The following TMEM120B variants were observed in gnomAD, a reference collection of about 807,000 sequenced individuals.
The protein encoded by TMEM120B is transmembrane protein 120B.
In TMEM120B, 31 loss-of-function variants were observed where a neutral mutation model predicts 55.5. That is an observed-to-expected ratio of 0.56 (90% CI 0.42 to 0.75). The LOEUF is 0.75. TMEM120B is among the 30% of genes least tolerant of loss of function. The pLI is 0.00. For synonymous variants in TMEM120B, 203 were observed against 176.3 expected (o/e 1.15, Z -1.20); for missense variants, 399 against 425.5 (o/e 0.94, Z 0.55).
intron 1 of TMEM120B, among the ~76,000 whole-genome samples, chr12:121,724,709 C>G (rs1307130941): frequency 6.6e-6 from 1 of 151,408 alleles, no homozygotes; most frequent in Non-Finnish European, 1.5e-5. Flanking sequence ...CTCCCAGGTT[C>G]ACGCCATTCT....
At position 121,775,561 on chromosome 12, in the gene TMEM120B, C is replaced by T. The variant is rs990348939; in HGVS notation, c.907-48C>T. On this transcript the variant is annotated intron_variant, in intron 11 of 11. Coordinates refer to ENST00000449592, the MANE Select transcript of TMEM120B (RefSeq NM_001080825.2). The surrounding 1 kb of genome is among the most constrained non-coding windows in gnomAD (Gnocchi z 4.3). Reference sequence around the variant, plus strand: ...TTCTGGGGTGCTGGGGGCAGGGGTTCAGCAGGGCAGATGCCCCAGCCTCGC... The same window carrying T: ...TTCTGGGGTGCTGGGGGCAGGGGTTTAGCAGGGCAGATGCCCCAGCCTCGC... 7 of 1,581,850 alleles carry T rather than the reference C, an allele frequency of 4.4e-6. No individual in the cohort carries two copies. Among genetic ancestry groups the T allele is most frequent in the Middle Eastern group, 1.7e-4 (1 of 5,906 alleles).
intron 1 of TMEM120B, among the ~76,000 whole-genome samples, chr12:121,728,562 C>T (rs1285634277): frequency 5.3e-5 from 8 of 151,962 alleles, no homozygotes; most frequent in African/African-American, 7.2e-5. Context: ...TCAGATGATC[C>T]GCCCACCTCG....
chr12:121,742,090 A>G (rs1872949919), intron 1 of TMEM120B, among the ~76,000 whole-genome samples: 1 of 143,670 alleles, frequency 7.0e-6, no homozygotes, highest in South Asian at 2.2e-4. Context: ...GCAACCTCCG[A>G]CTCCCAGATT....
intron 7 of TMEM120B, among the ~76,000 whole-genome samples, 177 bp from the exon 8 acceptor site, chr12:121,771,311 C>G (rs1266988506): frequency 6.6e-6 from 1 of 152,054 alleles, no homozygotes; most frequent in East Asian, 1.9e-4. Context: ...CCCTGTGCTT[C>G]TAGAAAGGAA....
chr12:121,773,806 A>G (rs1874144016), intron 9 of TMEM120B, among the ~76,000 whole-genome samples: 1 of 144,148 alleles, frequency 6.9e-6, no homozygotes, highest in Non-Finnish European at 1.5e-5. Flanking sequence ...TAACATGTCT[A>G]CATACCAACA....
At chr12:121,721,777 CT>C (rs369407488) in intron 1 of TMEM120B, among the ~76,000 whole-genome samples, 36 of 132,644 alleles carry the variant, frequency 2.7e-4, no homozygotes, top group African/African-American at 8.3e-4. Context: ...CCTGGCCCTC[CT>C]TTTTTTTTGA....
At chr12:121,724,185 C>T (rs1293136933) in intron 1 of TMEM120B, among the ~76,000 whole-genome samples, 29 of 151,674 alleles carry the variant, frequency 1.9e-4, no homozygotes, top group Admixed American at 1.1e-3. Context: ...TTACAGGCAC[C>T]GGCCACCACA....
intron 1 of TMEM120B, among the ~76,000 whole-genome samples, chr12:121,739,756 A>G (rs190892592): frequency 6.7e-6 from 1 of 150,118 alleles, no homozygotes; most frequent in African/African-American, 2.5e-5. Flanking sequence ...ACAAGTGTGA[A>G]CCACCCAGCC....
In TMEM120B at chr12:121,744,085, C is replaced by A. The variant is rs115636973; in HGVS notation, c.188+338C>A. On this transcript the variant is annotated intron_variant, in intron 2 of 11. Coordinates refer to ENST00000449592, the MANE Select transcript of TMEM120B (RefSeq NM_001080825.2). ...TTTTTTTTTTTTCTTGAAATGGAGT[C>A]TTTCACTCTGTTGCCCAGGCTGGAG... Among the ~76,000 whole-genome samples, 542 of 137,862 alleles carry A rather than the reference C, an allele frequency of 3.9e-3. 2 individuals are homozygous for A. The highest frequency in any genetic ancestry group is 0.014 in the African/African-American group (525 of 36,940). The allele number at this position is 137,862 out of a possible 152,430, so 90.4% of individuals were successfully genotyped here.
chr12:121,728,280 G>A (rs1894934999), intron 1 of TMEM120B, among the ~76,000 whole-genome samples: 2 of 151,848 alleles, frequency 1.3e-5, no homozygotes, highest in Admixed American at 6.6e-5. Flanking sequence ...ATGAGGTCAG[G>A]AGATCGAGAC....
At chr12:121,754,486 G>A (rs1447368140) in intron 5 of TMEM120B, among the ~76,000 whole-genome samples, 4 of 152,220 alleles carry the variant, frequency 2.6e-5, no homozygotes, top group African/African-American at 9.6e-5. Flanking sequence ...GAAGCCGGCG[G>A]TCTGAAAGCA....
Position 121,755,604 on chromosome 12 carries a change from G to A in TMEM120B, c.461+3381G>A, listed in dbSNP as rs144302775. Among the ~76,000 whole-genome samples, 3 of 152,330 alleles carry A rather than the reference G, an allele frequency of 2.0e-5. No homozygotes were observed. In the East Asian group the frequency reaches 5.8e-4, roughly 29 times the overall value. On this transcript the variant is annotated intron_variant, in intron 5 of 11. Transcript: ENST00000449592. ...AAATGGGAAGTGGTACTGTCTTAGT[G>A]TGGGTTGGCCCAGAAGAGACCCCCA...
In TMEM120B at chr12:121,775,664, C is replaced by T. The variant is rs763961700; in HGVS notation, c.962C>T (p.Thr321Met). ...LILFLGNFLT[T>M]LKVVHAKLQK... is the part of the protein sequence containing the mutation. ...CTCTTCCTCGGCAACTTCCTGACCA[C>T]GCTCAAAGTCGTGCATGCCAAGCTC... The change falls in exon 12 of 12, where the codon ACG becomes ATG. Residue 321 changes from threonine to methionine, a missense_variant. By Grantham distance (81) the Thr-to-Met change is moderately conservative. Coordinates refer to ENST00000449592, the MANE Select transcript of TMEM120B (RefSeq NM_001080825.2). The surrounding 1 kb of genome is among the most constrained non-coding windows in gnomAD (Gnocchi z 4.3). 15 of 1,613,954 alleles carry T rather than the reference C, an allele frequency of 9.3e-6. No individual in the cohort carries two copies. The highest frequency in any genetic ancestry group is 3.3e-5 in the Admixed American group (2 of 60,002).
chr12:121,716,964 A>G (rs1894714617), intron 1 of TMEM120B, among the ~76,000 whole-genome samples: 1 of 152,170 alleles, frequency 6.6e-6, no homozygotes, highest in Non-Finnish European at 1.5e-5. Context: ...AAGAAAACCC[A>G]ATGTAATCTC....
intron 3 of TMEM120B, 94 bp from the exon 4 acceptor site, chr12:121,750,286 C>A: frequency 8.3e-7 from 1 of 1,202,400 alleles, no homozygotes; most frequent in South Asian, 1.3e-5. Flanking sequence ...AACATCAGTG[C>A]TTGGGATGTG....
At chr12:121,748,516 T>A in intron 3 of TMEM120B, 74 bp downstream of exon 3, 1 of 979,858 alleles carries the variant, frequency 1.0e-6, no homozygotes, top group Non-Finnish European at 1.5e-6. Flanking sequence ...CATATAACTC[T>A]CGCCTTCCTG....
chr12:121,781,496 G>GC lies in TMEM120B; in HGVS notation c.*5780dup, dbSNP rs1303446601. On this transcript the variant is annotated 3_prime_UTR_variant, in exon 12 of 12. Coordinates refer to ENST00000449592, the MANE Select transcript of TMEM120B (RefSeq NM_001080825.2). ...TTAACAACAAAACCCATGAGCGGCA[G>GC]CCCCCCAGTCCTGGATGGTGGTAAA... 5 of 339,896 alleles carry GC rather than the reference G, an allele frequency of 1.5e-5. No individual in the cohort carries two copies. Among genetic ancestry groups the GC allele is most frequent in the East Asian group, 1.4e-4 (2 of 14,058 alleles). The allele number at this position is 339,896 out of a possible 1,614,324, so 21.1% of individuals were successfully genotyped here.
intron 9 of TMEM120B, among the ~76,000 whole-genome samples, chr12:121,773,719 T>C (rs1000799398): frequency 6.6e-6 from 1 of 152,134 alleles, no homozygotes; most frequent in Non-Finnish European, 1.5e-5. Flanking sequence ...GGGCAGGGCC[T>C]CTGTCTCAGC....
intron 1 of TMEM120B, among the ~76,000 whole-genome samples, chr12:121,739,798 CTTTTTTT>C (rs200085137): frequency 8.1e-5 from 8 of 99,190 alleles, no homozygotes; most frequent in African/African-American, 2.6e-4. Flanking sequence ...TGCAACACTT[CTTTTTTT>C]TTTTTTTTTT....
Sources: allele counts gnomAD v4.1 joint callset (sites outside exome capture counted in the v4.1 genomes callset), GRCh38; gene constraint gnomAD v4.1.1; non-coding constraint Gnocchi (gnomAD v3.1); transcripts MANE v1.5; gene names NCBI Gene and HGNC (gene_info 2026-07-23, HGNC 2026-07-21).